MAP7D2: variants seen among roughly 807,000 people sequenced by gnomAD.
MAP7D2 encodes MAP7 domain-containing protein 2.
In MAP7D2, 33 loss-of-function variants were observed where a neutral mutation model predicts 63.5. That is an observed-to-expected ratio of 0.52 (90% CI 0.39 to 0.70). The LOEUF (loss-of-function observed/expected upper bound fraction) is 0.70, where lower values mean the gene tolerates loss of function less well. Ranked by LOEUF, MAP7D2 falls within the 30% of genes least tolerant of loss-of-function variation. MAP7D2 has a pLI of 0.00. For missense variants in MAP7D2, 626 were observed against 604.0 expected, an observed-to-expected ratio of 1.04 and a Z score of -0.38; for synonymous variants, 224 against 223.7, an observed-to-expected ratio of 1.00 and a Z score of -0.01.
chrX:20,048,198 C>T (rs1227132733), intron 6 of MAP7D2, among the ~76,000 whole-genome samples: 1 of 112,070 alleles, frequency 8.9e-6, no homozygotes, highest in African/African-American at 3.2e-5. Context: ...AAACAAACAA[C>T]ATGGTGTATG....
At chrX:20,107,462 T>C (rs1163930328) in intron 1 of MAP7D2, among the ~76,000 whole-genome samples, 3 of 110,947 alleles carry the variant, frequency 2.7e-5, no homozygotes, top group African/African-American at 9.9e-5. Flanking sequence ...TCCCAGCTAC[T>C]TGGGAGGCTA....
chrX:20,062,965 T>C (rs1326168721), intron 3 of MAP7D2, among the ~76,000 whole-genome samples: 1 of 111,162 alleles, frequency 9.0e-6, no homozygotes, highest in South Asian at 3.8e-4. Flanking sequence ...CCTGGAGGCA[T>C]GAACTCCCAT....
chrX:20,025,983 T>G, intron 8 of MAP7D2, 31 bp from the exon 9 acceptor site: 16 of 1,193,532 alleles, frequency 1.3e-5, no homozygotes, highest in Non-Finnish European at 1.8e-5. Flanking sequence ...CAGAGGATGA[T>G]TACTGGGCCT....
chrX:20,113,557 T>C (rs2066805189), intron 1 of MAP7D2, among the ~76,000 whole-genome samples: 2 of 112,490 alleles, frequency 1.8e-5, no homozygotes, highest in South Asian at 7.2e-4. Flanking sequence ...TGAACAGTTT[T>C]AGGATTAAAG....
chrX:20,047,914 T>G (rs1046457289), intron 6 of MAP7D2, among the ~76,000 whole-genome samples: 2 of 111,124 alleles, frequency 1.8e-5, no homozygotes, highest in Non-Finnish European at 3.8e-5. Flanking sequence ...AGATTTGCTT[T>G]AACTGCTAAG....
intron 1 of MAP7D2, among the ~76,000 whole-genome samples, chrX:20,084,037 C>T (rs1310489697): frequency 9.0e-6 from 1 of 110,594 alleles, no homozygotes; most frequent in Non-Finnish European, 1.9e-5. Flanking sequence ...TCTGTCTCTA[C>T]CAAAAATACA....
At chrX:20,042,738 T>A in intron 7 of MAP7D2, 109 bp from the exon 8 acceptor site, 1 of 958,564 alleles carries the variant, frequency 1.0e-6, no homozygotes, top group African/African-American at 1.9e-5. Context: ...GAGGGATCGA[T>A]ATGAAGCTAT....
chrX:20,099,235 ACTCTCTCTCTCTCT>A (rs72039188), intron 1 of MAP7D2, among the ~76,000 whole-genome samples: 20 of 93,654 alleles, frequency 2.1e-4, no homozygotes, highest in South Asian at 5.8e-4. Flanking sequence ...GCAAGTTTAT[ACTCTCTCTCTCTCT>A]CTCTCTCTCT....
intron 1 of MAP7D2, among the ~76,000 whole-genome samples, chrX:20,099,796 G>A (rs1320067348): frequency 8.9e-6 from 1 of 112,115 alleles, no homozygotes; most frequent in Non-Finnish European, 1.9e-5. Context: ...GTAGCCAGCT[G>A]GAACTGTATT....
chrX:20,028,629 G>A (rs758529664), intron 8 of MAP7D2, among the ~76,000 whole-genome samples: 2 of 111,642 alleles, frequency 1.8e-5, no homozygotes, highest in African/African-American at 3.3e-5. Flanking sequence ...TTCCTTTCAC[G>A]CTGTTATCTA....
chrX:20,047,293 C>T (rs999714582), intron 6 of MAP7D2, among the ~76,000 whole-genome samples: 1 of 112,310 alleles, frequency 8.9e-6, no homozygotes, highest in Admixed American at 9.4e-5. Flanking sequence ...GCTAGTGTGC[C>T]CTAACATCTT....
intron 1 of MAP7D2, among the ~76,000 whole-genome samples, chrX:20,066,078 G>A (rs972696415): frequency 9.1e-5 from 10 of 110,095 alleles, no homozygotes; most frequent in East Asian, 2.9e-4. Context: ...GCCCGCCACC[G>A]CGCCCGGCTA....
At chrX:20,043,078 C>A (rs1316294324) in intron 7 of MAP7D2, among the ~76,000 whole-genome samples, 1 of 110,955 alleles carries the variant, frequency 9.0e-6, no homozygotes, top group Non-Finnish European at 1.9e-5. Flanking sequence ...CCTCCTTTGG[C>A]AGAAGGGAAC....
At chrX:20,056,504 A>C (rs1302598000) in intron 4 of MAP7D2, among the ~76,000 whole-genome samples, 176 bp downstream of exon 4, 1 of 112,010 alleles carries the variant, frequency 8.9e-6, no homozygotes, top group Non-Finnish European at 1.9e-5. Context: ...CCTTCATAAC[A>C]AATGCATGCG....
At chrX:20,021,119 C>T (rs1444045047) in intron 10 of MAP7D2, among the ~76,000 whole-genome samples, 2 of 112,348 alleles carry the variant, frequency 1.8e-5, no homozygotes, top group East Asian at 2.8e-4. Flanking sequence ...AGGGTGGACC[C>T]GGCGTCTAAG....
chrX:20,097,694 T>C (rs997980273), intron 1 of MAP7D2, among the ~76,000 whole-genome samples: 2 of 111,808 alleles, frequency 1.8e-5, no homozygotes, highest in Admixed American at 9.5e-5. Flanking sequence ...AAAAGAAATG[T>C]CATTTCTATG....
intron 10 of MAP7D2, chrX:20,021,205 T>C (rs981695695): frequency 1.8e-5 from 2 of 111,627 alleles, no homozygotes; most frequent in Non-Finnish European, 3.8e-5. Flanking sequence ...CCCTGTTGTG[T>C]TTGGGAATGG....
chrX:20,011,432 G>A (rs1391377532), intron 15 of MAP7D2, among the ~76,000 whole-genome samples: 2 of 112,641 alleles, frequency 1.8e-5, no homozygotes, highest in South Asian at 3.6e-4. Flanking sequence ...TTCAAAGCAA[G>A]TTGAAGAAGA....
chrX:20,088,050 C>T (rs1033741724), intron 1 of MAP7D2, among the ~76,000 whole-genome samples: 17 of 107,022 alleles, frequency 1.6e-4, no homozygotes, highest in African/African-American at 4.8e-4. Context: ...CCATCACGTC[C>T]GGCTAATTTT....
Sources: allele counts gnomAD v4.1 joint callset (sites outside exome capture counted in the v4.1 genomes callset), GRCh38; gene constraint gnomAD v4.1.1; transcripts MANE v1.5; gene names NCBI Gene and HGNC (gene_info 2026-07-23, HGNC 2026-07-21).